SDK1: variants seen among roughly 807,000 people sequenced by gnomAD.
The protein encoded by SDK1 is protein sidekick-1.
Under a neutral mutation model 245.5 loss-of-function variants are expected in SDK1, and 157 were observed. The observed-to-expected ratio is 0.64, with a 90% CI of 0.56 to 0.73. SDK1 has a LOEUF of 0.73. Ranked by LOEUF, SDK1 falls within the 30% of genes least tolerant of loss-of-function variation. The probability of loss-of-function intolerance (pLI) is 0.00; values close to 1 mark genes in which losing one functional copy is unlikely to be tolerated. For missense variants in SDK1, 3,583 were observed against 3,002.3 expected (o/e 1.19, Z -4.52); for synonymous variants, 1,647 against 1,278.5 (o/e 1.29, Z -6.15).
At chr7:3,742,738 G>A (rs1233892002) in intron 4 of SDK1, among the ~76,000 whole-genome samples, 1 of 152,092 alleles carries the variant, frequency 6.6e-6, no homozygotes, top group East Asian at 1.9e-4. Flanking sequence ...TTGTCTGCCT[G>A]TTGTCAGTTT....
rs115061389 is a variant in SDK1, at chr7:3,853,411, G to A, written c.847+31828G>A. Among the ~76,000 whole-genome samples, 827 of 152,232 alleles carry A rather than the reference G, an allele frequency of 5.4e-3. 8 individuals are homozygous for A. Among genetic ancestry groups the A allele is most frequent in the African/African-American group, 0.019 (782 of 41,528 alleles). On this transcript the variant is annotated intron_variant, in intron 5 of 44. Transcript: ENST00000404826. Reference sequence around the variant, plus strand: ...GGCCTGTGTTTTAAAATTATTGTGTGTGTGTGTGTATGTGTTTAATCAAGT... The same window carrying A: ...GGCCTGTGTTTTAAAATTATTGTGTATGTGTGTGTATGTGTTTAATCAAGT...
chr7:3,380,015 G>C lies in SDK1; in HGVS notation c.298+78131G>C, dbSNP rs143185403. 3.4e-4 allele frequency among the ~76,000 whole-genome samples: 52 copies of C among 152,178 alleles called. 1 individual carries two copies. Among genetic ancestry groups the C allele is most frequent in the African/African-American group, 1.1e-3 (45 of 41,498 alleles). ...GATTTTCAACCTGTATTTAATATTG[G>C]GAAGCAATATACCAATACCAAAAAC... is the stretch of plus-strand genomic sequence containing the variant. On this transcript the variant is annotated intron_variant, in intron 1 of 44. Transcript: ENST00000404826.
chr7:3,431,366 T>A (rs933853794), intron 1 of SDK1, among the ~76,000 whole-genome samples: 8 of 150,832 alleles, frequency 5.3e-5, no homozygotes, highest in African/African-American at 2.0e-4. Context: ...AGGTTTTTTT[T>A]TTTTTTTTTT....
chr7:3,453,934 A>G (rs1206239044), intron 1 of SDK1, among the ~76,000 whole-genome samples: 1 of 152,166 alleles, frequency 6.6e-6, no homozygotes, highest in Non-Finnish European at 1.5e-5. Flanking sequence ...AAGTAATCAC[A>G]TTCATTTCCT....
intron 1 of SDK1, among the ~76,000 whole-genome samples, chr7:3,544,069 G>A (rs899174996): frequency 2.0e-5 from 3 of 151,944 alleles, no homozygotes; most frequent in Non-Finnish European, 4.4e-5. Flanking sequence ...CTCATATATC[G>A]TTATCCTTGA....
intron 1 of SDK1, among the ~76,000 whole-genome samples, chr7:3,565,513 A>G (rs1219857955): frequency 1.3e-5 from 2 of 152,236 alleles, no homozygotes; most frequent in Non-Finnish European, 2.9e-5. Flanking sequence ...CATTACTTAT[A>G]GAAAGTATGG....
At chr7:3,756,586 A>T (rs1019919911) in intron 4 of SDK1, among the ~76,000 whole-genome samples, 1 of 151,626 alleles carries the variant, frequency 6.6e-6, no homozygotes, top group South Asian at 2.1e-4. Flanking sequence ...GCTCAACTTT[A>T]TATTTCATTT....
chr7:4,166,875 G>A (rs1013787179), intron 32 of SDK1, among the ~76,000 whole-genome samples: 7 of 152,184 alleles, frequency 4.6e-5, no homozygotes, highest in African/African-American at 1.7e-4. Context: ...TGGGTGGGAG[G>A]TTCCACAGAG....
chr7:4,235,034 T>A (rs1786063957), intron 41 of SDK1, among the ~76,000 whole-genome samples: 1 of 152,086 alleles, frequency 6.6e-6, no homozygotes, highest in Non-Finnish European at 1.5e-5. Context: ...GTGCTATGAG[T>A]TTGGAGGAAC....
chr7:3,599,344 C>A (rs56090810), intron 1 of SDK1, among the ~76,000 whole-genome samples: 82,974 of 151,258 alleles, frequency 0.55, 23,007 homozygotes, highest in South Asian at 0.75. Flanking sequence ...CTGATTTCTG[C>A]GGATTCTTTG....
intron 42 of SDK1, among the ~76,000 whole-genome samples, chr7:4,241,498 A>G (rs928865084): frequency 6.6e-6 from 1 of 152,194 alleles, no homozygotes; most frequent in Non-Finnish European, 1.5e-5. Context: ...AAAATCAAAA[A>G]AAGTTTATGC....
intron 1 of SDK1, among the ~76,000 whole-genome samples, chr7:3,344,596 C>A (rs116000054): frequency 6.6e-6 from 1 of 152,098 alleles, no homozygotes; most frequent in African/African-American, 2.4e-5. Context: ...ATAGAAGATA[C>A]CCCAAAATTT....
At chr7:3,561,218 T>G (rs1489777201) in intron 1 of SDK1, among the ~76,000 whole-genome samples, 1 of 152,160 alleles carries the variant, frequency 6.6e-6, no homozygotes, top group African/African-American at 2.4e-5. Context: ...AATCCTTCCT[T>G]TTTACTCTCC....
intron 4 of SDK1, among the ~76,000 whole-genome samples, chr7:3,759,460 G>A (rs1215145495): frequency 6.6e-6 from 1 of 152,066 alleles, no homozygotes; most frequent in Non-Finnish European, 1.5e-5. Flanking sequence ...AGTTAATGAT[G>A]GTGAAAGCCA....
chr7:3,440,987 C>T (rs1243947683), intron 1 of SDK1, among the ~76,000 whole-genome samples: 1 of 152,158 alleles, frequency 6.6e-6, no homozygotes, highest in Non-Finnish European at 1.5e-5. Context: ...GATAGTTACA[C>T]AGATTCAAGA....
intron 4 of SDK1, among the ~76,000 whole-genome samples, chr7:3,678,995 A>G (rs1784010240): frequency 6.6e-6 from 1 of 152,222 alleles, no homozygotes; most frequent in African/African-American, 2.4e-5. Context: ...TAAGGTTATA[A>G]AACTTTTTGG....
intron 44 of SDK1, among the ~76,000 whole-genome samples, chr7:4,247,261 C>T (rs1027681978): frequency 6.6e-6 from 1 of 152,102 alleles, no homozygotes; most frequent in South Asian, 2.1e-4. Flanking sequence ...GAACTCCCGG[C>T]GGGAAGGGCC....
At chr7:3,456,123 G>A (rs1368312320) in intron 1 of SDK1, among the ~76,000 whole-genome samples, 1 of 152,156 alleles carries the variant, frequency 6.6e-6, no homozygotes, top group Non-Finnish European at 1.5e-5. Context: ...TCCTCTATAA[G>A]TACAGTGTTG....
chr7:3,619,381 A>C, intron 2 of SDK1, 142 bp downstream of exon 2: 2 of 656,724 alleles, frequency 3.0e-6, no homozygotes, highest in Non-Finnish European at 5.0e-6. Flanking sequence ...AGATTTGAAT[A>C]TGTAATTAGA....
Sources: allele counts gnomAD v4.1 joint callset (sites outside exome capture counted in the v4.1 genomes callset), GRCh38; gene constraint gnomAD v4.1.1; transcripts MANE v1.5; gene names NCBI Gene and HGNC (gene_info 2026-07-23, HGNC 2026-07-21).